The following URB1 variants were observed in gnomAD, a reference collection of about 807,000 sequenced individuals.
The protein encoded by URB1 is nucleolar pre-ribosomal-associated protein 1.
A neutral mutation model predicts 242.3 loss-of-function variants in URB1; 197 were observed. That is an observed-to-expected ratio of 0.81 (90% CI 0.72 to 0.91). The LOEUF (loss-of-function observed/expected upper bound fraction) is 0.91. Ranked by LOEUF, URB1 falls within the 40% of genes least tolerant of loss-of-function variation. URB1 has a pLI of 0.00. For synonymous variants in URB1, 1,153 were observed against 1,201.8 expected (o/e 0.96, Z 0.84); for missense variants, 2,721 against 2,860.5 (o/e 0.95, Z 1.11).
At chr21:32,339,653 G>A (rs1048676937) in intron 25 of URB1, among the ~76,000 whole-genome samples, 2 of 151,934 alleles carry the variant, frequency 1.3e-5, no homozygotes, top group Admixed American at 1.3e-4. Context: ...ACCACACCTG[G>A]CTAATTTTTT....
rs1174909267 is a variant in URB1 at position 32,354,056 on chromosome 21, C to T, written c.2293G>A (p.Asp765Asn). The T allele has an allele frequency of 5.8e-6, 9 of 1,551,646 alleles. No individual in the cohort carries two copies. Among genetic ancestry groups the T allele is most frequent in the Non-Finnish European group, 7.8e-6 (9 of 1,147,020 alleles). ...CTCAACGTGAACCCTATTTCCTCAT[C>T]CAAGCCTTCACTGCCCTCCACCAGG... The part of the protein sequence containing the change: ...DVLVEGSEGL[D>N]EEIGFTLSED... The change falls in exon 18 of 39, where the codon GAT becomes AAT. Residue 765 changes from aspartate to asparagine, a missense_variant. Transcript: ENST00000382751.
At chr21:32,388,079 A>C (rs960418269) in intron 1 of URB1, among the ~76,000 whole-genome samples, 6 of 152,214 alleles carry the variant, frequency 3.9e-5, no homozygotes, top group Non-Finnish European at 8.8e-5. Flanking sequence ...GACGCTGCTA[A>C]GCCACATCTG....
rs192510766 is a variant in URB1 at position 32,343,946 on chromosome 21, G to C, written c.4257+624C>G. ...ACAACACACAGAGAAACAAAGGCAAGAAAGGCAAGTTTCTTACTGGAAGCA... is the reference window on the plus strand; with the variant it reads ...ACAACACACAGAGAAACAAAGGCAACAAAGGCAAGTTTCTTACTGGAAGCA... On this transcript the variant is annotated intron_variant, in intron 24 of 38. Transcript: ENST00000382751. Among the ~76,000 whole-genome samples, 28 of 151,300 alleles carry C rather than the reference G, an allele frequency of 1.9e-4. 1 individual carries two copies. The highest frequency in any genetic ancestry group is 9.9e-4 in the Admixed American group (15 of 15,206).
At chr21:32,364,729 C>T (rs2033326405) in intron 10 of URB1, among the ~76,000 whole-genome samples, 1 of 152,230 alleles carries the variant, frequency 6.6e-6, no homozygotes, top group Non-Finnish European at 1.5e-5. Context: ...TAGGCTAAAG[C>T]TTCTCCTCCT....
chr21:32,356,545 T>C (rs1364411223), intron 15 of URB1, among the ~76,000 whole-genome samples: 1 of 152,174 alleles, frequency 6.6e-6, no homozygotes, highest in African/African-American at 2.4e-5. Context: ...GTGTAAAACT[T>C]GACCCCTCAC....
At chr21:32,392,439 C>T (rs1353398590) in intron 1 of URB1, among the ~76,000 whole-genome samples, 1 of 152,134 alleles carries the variant, frequency 6.6e-6, no homozygotes, top group African/African-American at 2.4e-5. Context: ...TCAGTAAGGA[C>T]TCAATAGAGA....
intron 28 of URB1, 137 bp from the exon 29 acceptor site, chr21:32,334,471 T>C (rs2032933982): frequency 9.7e-7 from 1 of 1,036,080 alleles, no homozygotes; most frequent in African/African-American, 1.6e-5. Context: ...ACGTGTTATA[T>C]CACTCAATCC....
rs777257020 is a variant in URB1, at chr21:32,319,288, A to G, written c.5721T>C (p.Pro1907=). 11 of 1,551,232 alleles carry G rather than the reference A, an allele frequency of 7.1e-6. No homozygotes were observed. The South Asian group carries it at 1.3e-4, about 18-fold the overall frequency. Residue 1907 remains proline (P), a synonymous_variant, in exon 36 of 39, where the codon CCT becomes CCC. Coordinates refer to ENST00000382751, the MANE Select transcript of URB1 (RefSeq NM_014825.3). The part of the protein sequence containing the change: ...QRLCQPSSQE[P]AKRLALHLVN... ...CCAGGTGCAGGGCAAGCCGCTTGGC[A>G]GGCTCCTGGGAGCTAGGCTGGCAAA...
In URB1 at chr21:32,347,441, A is replaced by G; in HGVS notation, c.3383T>C (p.Leu1128Pro). The change falls in exon 22 of 39, where the codon CTG (leucine) becomes CCG (proline). Residue 1128 changes from leucine (L) to proline (P), a missense_variant. Transcript: ENST00000382751. ...CACCAGGTGTGTCTCAGGCAGGCTC[A>G]GCAAGGCCAGGGTGACCTCACGGAG... is the stretch of plus-strand genomic sequence containing the variant. ...AQLREVTLALLSLPETHLVTQ... is the reference protein window; with the variant it reads ...AQLREVTLALPSLPETHLVTQ... 6.4e-7 allele frequency: 1 copy of G among 1,551,302 alleles called. No individual in the cohort carries two copies. Among genetic ancestry groups the G allele is most frequent in the Non-Finnish European group, 8.7e-7 (1 of 1,146,782 alleles).
chr21:32,371,503 T>C (rs931306378), intron 8 of URB1, among the ~76,000 whole-genome samples: 135 of 152,078 alleles, frequency 8.9e-4, no homozygotes, highest in African/African-American at 2.8e-3. Context: ...TTCTTACTGA[T>C]GAAAGAAAAA....
At chr21:32,342,153 T>A (rs1442472474) in intron 24 of URB1, among the ~76,000 whole-genome samples, 1 of 152,266 alleles carries the variant, frequency 6.6e-6, no homozygotes, top group African/African-American at 2.4e-5. Context: ...GTAGTCCTGT[T>A]ATTTTTTTCC....
chr21:32,333,237 T>C, intron 30 of URB1, 80 bp downstream of exon 30: 2 of 1,153,786 alleles, frequency 1.7e-6, no homozygotes, highest in Admixed American at 2.0e-5. Context: ...GTGGTAATTA[T>C]GGCAATAATT....
intron 3 of URB1, 56 bp from the exon 4 acceptor site, chr21:32,383,610 C>T (rs887198830): frequency 8.2e-6 from 12 of 1,468,596 alleles, no homozygotes; most frequent in Admixed American, 7.5e-5. Flanking sequence ...AGCACAGAGC[C>T]GCCTCACCAC....
In URB1 at chr21:32,333,358, G is replaced by A. The variant is rs1259294981; in HGVS notation, c.4919C>T (p.Pro1640Leu). ...SRVDLDGLYD[P>L]CFLLQLFSEL... is the part of the protein sequence containing the mutation. ...ACTGAAGAGCTGAAGGAGAAAGCAG[G>A]GGTCATAGAGGCCATCAAGATCCAC... Residue 1640 changes from proline to leucine, a missense_variant, in exon 30 of 39, where the codon CCC becomes CTC. Pro to Leu is a moderately conservative substitution (Grantham distance 98). Coordinates refer to ENST00000382751, the MANE Select transcript of URB1 (RefSeq NM_014825.3). 1 of 1,551,588 alleles carries A rather than the reference G, an allele frequency of 6.4e-7. No individual in the cohort carries two copies. Among genetic ancestry groups the A allele is most frequent in the East Asian group, 2.4e-5 (1 of 40,918 alleles).
chr21:32,347,364 C>G lies in URB1; in HGVS notation c.3460G>C (p.Gly1154Arg). The change falls in exon 22 of 39, where the codon GGA becomes CGA. Residue 1154 changes from glycine to arginine, a missense_variant. Coordinates refer to ENST00000382751, the MANE Select transcript of URB1 (RefSeq NM_014825.3). ...PGKERHLNAL[G>R]KTLVQLLTCS... ...GTCAGCAGCTGCACCAGGGTCTTTCCAAGAGCATTCAGGTGTCTTTCCTTC... is the reference window on the plus strand; with the variant it reads ...GTCAGCAGCTGCACCAGGGTCTTTCGAAGAGCATTCAGGTGTCTTTCCTTC... 6.4e-7 allele frequency: 1 copy of G among 1,551,424 alleles called. No homozygotes were observed. Among genetic ancestry groups the G allele is most frequent in the East Asian group, 2.4e-5 (1 of 40,910 alleles).
chr21:32,319,934 G>C (rs1202051941), intron 35 of URB1, among the ~76,000 whole-genome samples: 1 of 152,198 alleles, frequency 6.6e-6, no homozygotes, highest in African/African-American at 2.4e-5. Flanking sequence ...TTAGTTCTTT[G>C]TAAGACAGAG....
chr21:32,330,782 C>G (rs1051685362), intron 30 of URB1, among the ~76,000 whole-genome samples: 1 of 152,176 alleles, frequency 6.6e-6, no homozygotes, highest in Non-Finnish European at 1.5e-5. Context: ...GCCATCAGGG[C>G]AATTAAGATA....
At chr21:32,392,691 G>GGAGA in intron 1 of URB1, 78 bp downstream of exon 1, 3 of 1,352,832 alleles carry the variant, frequency 2.2e-6, no homozygotes, top group Non-Finnish European at 2.9e-6. Flanking sequence ...GCTGCAGAAA[G>GGAGA]GAGAGGCTGT....
chr21:32,340,307 T>A (rs1301473593), intron 25 of URB1, among the ~76,000 whole-genome samples: 1 of 152,184 alleles, frequency 6.6e-6, no homozygotes, highest in Non-Finnish European at 1.5e-5. Context: ...TGACACACAC[T>A]CTGTTGGGAG....
Sources: allele counts gnomAD v4.1 joint callset (sites outside exome capture counted in the v4.1 genomes callset), GRCh38; gene constraint gnomAD v4.1.1; transcripts MANE v1.5; gene names NCBI Gene and HGNC (gene_info 2026-07-23, HGNC 2026-07-21).